Variants in MARCHF1 observed in about 807,000 individuals in gnomAD.
The protein encoded by MARCHF1 is E3 ubiquitin-protein ligase MARCHF1.
A neutral mutation model predicts 54.2 loss-of-function variants in MARCHF1; 40 were observed. That is an observed-to-expected ratio of 0.74 (90% CI 0.57 to 0.96). The LOEUF (loss-of-function observed/expected upper bound fraction) is 0.96, where lower values mean the gene tolerates loss of function less well. MARCHF1 is among the 40% of genes least tolerant of loss of function. The pLI is 0.00. For synonymous variants in MARCHF1, 236 were observed against 236.3 expected, an observed-to-expected ratio of 1.00 and a Z score of 0.01; for missense variants, 586 against 656.5, an observed-to-expected ratio of 0.89 and a Z score of 1.17.
chr4:164,178,360 G>C (rs1475150067), intron 1 of MARCHF1, among the ~76,000 whole-genome samples: 1 of 152,140 alleles, frequency 6.6e-6, no homozygotes, highest in African/African-American at 2.4e-5. Flanking sequence ...TTAAACAGAG[G>C]CCTGACTGAG....
chr4:164,106,508 T>C lies in MARCHF1; in HGVS notation c.-248+5080A>G, dbSNP rs1413173324. Among the ~76,000 whole-genome samples, 249 of 127,034 alleles carry C rather than the reference T, an allele frequency of 2.0e-3. 1 individual carries two copies. The highest frequency in any genetic ancestry group is 3.4e-3 in the Non-Finnish European group (214 of 62,300). 83.3% of individuals were successfully genotyped at this position (127,034 alleles called of 152,430 possible). A position where few individuals can be genotyped will look rare whatever the true frequency, so the allele number is the denominator to read the frequency against. Reference sequence around the variant, plus strand: ...GGAAATCATCATTCTCAGTAAACTATCGCAAGAACAAAAAACCAAACACCG... The same window carrying C: ...GGAAATCATCATTCTCAGTAAACTACCGCAAGAACAAAAAACCAAACACCG... On this transcript the variant is annotated intron_variant, in intron 2 of 9. Coordinates refer to ENST00000514618, the MANE Select transcript of MARCHF1 (RefSeq NM_001394959.1).
intron 2 of MARCHF1, among the ~76,000 whole-genome samples, chr4:164,013,531 AC>A: frequency 6.6e-6 from 1 of 152,300 alleles, no homozygotes; most frequent in East Asian, 1.9e-4. Flanking sequence ...GTAGCCAAGT[AC>A]AAGAAGATTT....
intron 1 of MARCHF1, among the ~76,000 whole-genome samples, chr4:164,315,487 A>G (rs1192897425): frequency 6.6e-6 from 1 of 152,202 alleles, no homozygotes; most frequent in Non-Finnish European, 1.5e-5. Flanking sequence ...GATCCAGCCA[A>G]CTACAGTATC....
chr4:164,339,008 T>C (rs2110834981), intron 1 of MARCHF1, among the ~76,000 whole-genome samples: 1 of 151,942 alleles, frequency 6.6e-6, no homozygotes, highest in Non-Finnish European at 1.5e-5. Context: ...ATAAGTAAAT[T>C]CATCAATAGG....
intron 1 of MARCHF1, among the ~76,000 whole-genome samples, chr4:164,271,954 A>G (rs1733755131): frequency 6.6e-6 from 1 of 152,124 alleles, no homozygotes; most frequent in African/African-American, 2.4e-5. Flanking sequence ...ACGGAAAAAT[A>G]AGACATAGAA....
chr4:163,669,490 G>T (rs1388061476), intron 5 of MARCHF1, among the ~76,000 whole-genome samples: 1 of 152,096 alleles, frequency 6.6e-6, no homozygotes, highest in African/African-American at 2.4e-5. Context: ...GTATTTTCCA[G>T]GACTCTGAGA....
At chr4:164,324,624 G>A (rs957067789) in intron 1 of MARCHF1, among the ~76,000 whole-genome samples, 5 of 151,358 alleles carry the variant, frequency 3.3e-5, no homozygotes, top group African/African-American at 1.2e-4. Flanking sequence ...TTAGCAAAGA[G>A]TGAAAAACTT....
chr4:163,634,294 A>AGACTG, intron 5 of MARCHF1, among the ~76,000 whole-genome samples: 1 of 150,210 alleles, frequency 6.7e-6, no homozygotes, highest in African/African-American at 2.4e-5. Flanking sequence ...TAAAACACAC[A>AGACTG]GACTGGCAAA....
chr4:164,315,346 A>C (rs1158028057), intron 1 of MARCHF1, among the ~76,000 whole-genome samples: 1 of 152,062 alleles, frequency 6.6e-6, no homozygotes, highest in Non-Finnish European at 1.5e-5. Context: ...TGCAATAGTT[A>C]GCAAACCACT....
chr4:164,265,135 T>C (rs1465895014), intron 1 of MARCHF1, among the ~76,000 whole-genome samples: 1 of 152,116 alleles, frequency 6.6e-6, no homozygotes, highest in Non-Finnish European at 1.5e-5. Context: ...ATCTCATTCA[T>C]AATATAAAGT....
At chr4:164,033,098 C>T (rs367821872) in intron 2 of MARCHF1, among the ~76,000 whole-genome samples, 66 of 151,288 alleles carry the variant, frequency 4.4e-4, no homozygotes, top group African/African-American at 1.5e-3. Context: ...CGTTTGAACC[C>T]GGGAGGCAGA....
At chr4:163,614,811 C>T (rs929797728) in intron 5 of MARCHF1, among the ~76,000 whole-genome samples, 1 of 151,808 alleles carries the variant, frequency 6.6e-6, no homozygotes, top group Non-Finnish European at 1.5e-5. Context: ...CCCAATGTAA[C>T]CATTAGGATC....
intron 3 of MARCHF1, among the ~76,000 whole-genome samples, chr4:163,854,550 T>C (rs750131658): frequency 6.6e-6 from 1 of 152,162 alleles, no homozygotes; most frequent in Non-Finnish European, 1.5e-5. Flanking sequence ...TTCAATGACA[T>C]CTAAAATTTG....
intron 1 of MARCHF1, among the ~76,000 whole-genome samples, chr4:164,137,351 G>A (rs1382821433): frequency 6.6e-6 from 1 of 152,036 alleles, no homozygotes; most frequent in Non-Finnish European, 1.5e-5. Flanking sequence ...ACTAATCTTA[G>A]TAAAATAATT....
At chr4:163,844,522 G>C (rs1749430975) in intron 4 of MARCHF1, among the ~76,000 whole-genome samples, 1 of 152,030 alleles carries the variant, frequency 6.6e-6, no homozygotes, top group African/African-American at 2.4e-5. Context: ...ACGTTAATGA[G>C]GATAAGGATT....
At chr4:163,942,837 C>G (rs1751940778) in intron 3 of MARCHF1, among the ~76,000 whole-genome samples, 1 of 152,048 alleles carries the variant, frequency 6.6e-6, no homozygotes, top group African/African-American at 2.4e-5. Context: ...TTAGCTTTCT[C>G]CTTTCTCTTA....
In MARCHF1 at chr4:163,979,289, T is replaced by C. The variant is rs368088869; in HGVS notation, c.-39+9212A>G. On this transcript the variant is annotated intron_variant, in intron 3 of 9. Transcript: ENST00000514618. ...TGCGGTGTTTGGTTTTTTGTTCTTG[T>C]GATAGTTTACTGAGAATGATGATTT... 2.9e-4 allele frequency among the ~76,000 whole-genome samples: 40 copies of C among 140,250 alleles called. No individual in the cohort carries two copies. In the Middle Eastern group the frequency reaches 0.015, roughly 52 times the overall value. 92.0% of individuals were successfully genotyped at this position (140,250 alleles called of 152,430 possible).
chr4:164,084,754 CAT>C (rs1228248576), intron 2 of MARCHF1, among the ~76,000 whole-genome samples: 11 of 151,700 alleles, frequency 7.3e-5, no homozygotes, highest in Non-Finnish European at 1.6e-4. Context: ...AGTTGGGAGA[CAT>C]ATGTTTCTAT....
chr4:163,999,946 T>G (rs1753154472), intron 2 of MARCHF1, among the ~76,000 whole-genome samples: 1 of 151,688 alleles, frequency 6.6e-6, no homozygotes, highest in South Asian at 2.1e-4. Flanking sequence ...TAACAACATG[T>G]TAATAAAGAG....
Sources: gnomAD v4.1 joint callset for allele counts (sites outside exome capture counted in the v4.1 genomes callset) on GRCh38, gnomAD v4.1.1 for gene constraint, MANE v1.5 for transcripts, NCBI Gene and HGNC (gene_info 2026-07-23, HGNC 2026-07-21) for gene names.